The following NPAS2 variants were observed in gnomAD, a reference collection of about 807,000 sequenced individuals.
NPAS2 encodes neuronal PAS domain-containing protein 2.
NPAS2 carries 23 observed loss-of-function variants against 107.5 expected under a neutral mutation model. That is an observed-to-expected ratio of 0.21 (90% CI 0.15 to 0.30). NPAS2 has a LOEUF of 0.30. Ranked by LOEUF, NPAS2 falls within the 10% of genes least tolerant of loss-of-function variation. The pLI, the probability that NPAS2 is intolerant of heterozygous loss-of-function variation, is 1.00. For missense variants in NPAS2, 756 were observed against 1,043.3 expected, an observed-to-expected ratio of 0.72 and a Z score of 3.79; for synonymous variants, 403 against 417.5, an observed-to-expected ratio of 0.97 and a Z score of 0.42.
intron 3 of NPAS2, among the ~76,000 whole-genome samples, chr2:100,927,716 C>T (rs1683672518): frequency 6.6e-6 from 1 of 152,230 alleles, no homozygotes; most frequent in South Asian, 2.1e-4. Context: ...CCTGCATATG[C>T]CACTTGAACT....
rs151055810 is a variant in NPAS2 at position 100,891,946 on chromosome 2, C to T, written c.-22-12787C>T. The stretch of plus-strand genomic sequence containing the variant: ...CGGCTTGTCTGTGGCAGCCGAACAG[C>T]GGTTTCCAACAAAGGCTTTCACTGA... On this transcript the variant is annotated intron_variant, in intron 1 of 20. Transcript: ENST00000335681. Among the ~76,000 whole-genome samples the T allele has an allele frequency of 1.3e-5, 2 of 152,272 alleles. 1 individual carries two copies. The highest frequency in any genetic ancestry group is 3.9e-4 in the East Asian group (2 of 5,172).
In NPAS2 at chr2:100,954,679, AAG is replaced by A. The variant is rs199564591; in HGVS notation, c.598+5201_598+5202del. ...AACTGTGTCTCAAAAAAAAAAAAAA[AAG>A]AAAAAAAAGAAAAGAAAAAAGAAAC... On this transcript the variant is annotated intron_variant, in intron 7 of 20. Transcript: ENST00000335681. 5.0e-3 allele frequency among the ~76,000 whole-genome samples: 387 copies of A among 77,516 alleles called. 7 individuals are homozygous for A. Among genetic ancestry groups the A allele is most frequent in the African/African-American group, 0.019 (323 of 17,066 alleles). The allele number at this position is 77,516 out of a possible 152,430, so 50.9% of individuals were successfully genotyped here. A position where few individuals can be genotyped will look rare whatever the true frequency, so the allele number is the denominator to read the frequency against.
intron 2 of NPAS2, among the ~76,000 whole-genome samples, chr2:100,921,186 A>C (rs1286906072): frequency 3.3e-5 from 5 of 152,232 alleles, no homozygotes; most frequent in Non-Finnish European, 7.3e-5. Flanking sequence ...CAGCGTGGGC[A>C]CTGGAGCCAG....
chr2:100,915,096 AT>A (rs1558868212), intron 2 of NPAS2, among the ~76,000 whole-genome samples: 1 of 151,868 alleles, frequency 6.6e-6, no homozygotes, highest in Non-Finnish European at 1.5e-5. Flanking sequence ...TTTGTTTTTT[AT>A]TTATTTCCTT....
At chr2:100,911,953 T>C (rs1280112888) in intron 2 of NPAS2, among the ~76,000 whole-genome samples, 1 of 152,220 alleles carries the variant, frequency 6.6e-6, no homozygotes, top group African/African-American at 2.4e-5. Context: ...TTAATAGGAA[T>C]GCTCATAGAT....
chr2:100,875,997 C>T (rs1027063484), intron 1 of NPAS2, among the ~76,000 whole-genome samples: 5 of 152,120 alleles, frequency 3.3e-5, no homozygotes, highest in African/African-American at 7.2e-5. Context: ...TATTTTTAGC[C>T]TCAAAAATGC....
chr2:100,977,256 C>T (rs1021466416), intron 14 of NPAS2: 3 of 196,022 alleles, frequency 1.5e-5, no homozygotes, highest in South Asian at 1.1e-4. Flanking sequence ...ACATGCATGG[C>T]GTGTCTGTCC....
chr2:100,859,208 A>G (rs1027118469), intron 1 of NPAS2, among the ~76,000 whole-genome samples: 1 of 152,226 alleles, frequency 6.6e-6, no homozygotes, highest in African/African-American at 2.4e-5. Flanking sequence ...GGTTGCAGTG[A>G]GCCGAGATCA....
chr2:100,994,735 T>C (rs1254166632), intron 20 of NPAS2: 1 of 151,990 alleles, frequency 6.6e-6, no homozygotes, highest in Non-Finnish European at 1.5e-5. Context: ...GAAATGTGGG[T>C]GAGGGTGAAG....
At chr2:100,850,789 C>CA (rs1678119440) in intron 1 of NPAS2, among the ~76,000 whole-genome samples, 2 of 151,484 alleles carry the variant, frequency 1.3e-5, no homozygotes, top group Admixed American at 1.3e-4. Flanking sequence ...CCCGTCTCTA[C>CA]AAAAAATACA....
intron 2 of NPAS2, among the ~76,000 whole-genome samples, chr2:100,910,249 C>A (rs1013085143): frequency 6.6e-6 from 1 of 152,122 alleles, no homozygotes; most frequent in Non-Finnish European, 1.5e-5. Context: ...CTATCATGTT[C>A]CAATTAAATG....
intron 15 of NPAS2, among the ~76,000 whole-genome samples, chr2:100,980,140 G>A (rs1677343297): frequency 6.6e-6 from 1 of 152,104 alleles, no homozygotes; most frequent in South Asian, 2.1e-4. Flanking sequence ...CCTAATGATG[G>A]GGTGTCTGGG....
intron 1 of NPAS2, among the ~76,000 whole-genome samples, chr2:100,897,509 C>A (rs6742116): frequency 6.6e-6 from 1 of 151,964 alleles, no homozygotes; most frequent in Admixed American, 6.5e-5. Flanking sequence ...TCCACCTCCC[C>A]CTCACCAAAG....
At chr2:100,937,992 G>A (rs926836037) in intron 5 of NPAS2, 150 bp downstream of exon 5, 9 of 702,220 alleles carry the variant, frequency 1.3e-5, no homozygotes, top group Non-Finnish European at 2.0e-5. Flanking sequence ...TTTGGGGACA[G>A]GACCAGGCCG....
At chr2:100,853,902 G>A (rs529837201) in intron 1 of NPAS2, among the ~76,000 whole-genome samples, 32 of 151,522 alleles carry the variant, frequency 2.1e-4, no homozygotes, top group African/African-American at 3.6e-4. Flanking sequence ...GTCCTGGTCC[G>A]GGCACGGTGG....
chr2:100,971,163 A>C (rs1277288384), intron 12 of NPAS2, 89 bp downstream of exon 12: 1 of 1,262,650 alleles, frequency 7.9e-7, no homozygotes, highest in Non-Finnish European at 1.1e-6. Flanking sequence ...GTTTCTTTTC[A>C]TCAATGGAAG....
At chr2:100,974,384 GGA>G (rs1469245061) in intron 12 of NPAS2, among the ~76,000 whole-genome samples, 1 of 152,130 alleles carries the variant, frequency 6.6e-6, no homozygotes, top group Non-Finnish European at 1.5e-5. Flanking sequence ...AGAAAGCCTG[GGA>G]AGGACCCAGG....
chr2:100,995,229 T>G (rs1207468170), intron 20 of NPAS2, 171 bp from the exon 21 acceptor site: 3 of 543,490 alleles, frequency 5.5e-6, no homozygotes, highest in Non-Finnish European at 9.6e-6. Context: ...TTAGTCCCCA[T>G]CCCCACCACA....
At chr2:100,881,998 G>A (rs1393646750) in intron 1 of NPAS2, among the ~76,000 whole-genome samples, 1 of 152,258 alleles carries the variant, frequency 6.6e-6, no homozygotes, top group East Asian at 1.9e-4. Context: ...AACTGCTGGG[G>A]CTGGGGAGAC....
Sources: gnomAD v4.1 joint callset for allele counts (sites outside exome capture counted in the v4.1 genomes callset) on GRCh38, gnomAD v4.1.1 for gene constraint, MANE v1.5 for transcripts, NCBI Gene and HGNC (gene_info 2026-07-23, HGNC 2026-07-21) for gene names.